The following SNTG2 variants were observed in gnomAD, a reference collection of about 807,000 sequenced individuals.
The protein encoded by SNTG2 is syntrophin gamma 2.
A neutral mutation model predicts 70.9 loss-of-function variants in SNTG2; 74 were observed. That is an observed-to-expected ratio of 1.04 (90% confidence interval 0.86 to 1.27). SNTG2 has a LOEUF of 1.27. SNTG2 is among the 50% of genes most tolerant of loss of function. The probability of loss-of-function intolerance (pLI) is 0.00; values close to 1 mark genes in which losing one functional copy is unlikely to be tolerated. For missense variants in SNTG2, 717 were observed against 690.7 expected (o/e 1.04, Z -0.43); for synonymous variants, 278 against 273.8 (o/e 1.02, Z -0.15).
intron 8 of SNTG2, among the ~76,000 whole-genome samples, chr2:1,197,959 C>A (rs1228017334): frequency 6.6e-6 from 1 of 152,022 alleles, no homozygotes; most frequent in East Asian, 1.9e-4. Context: ...AAAAGAAAAT[C>A]AACAGGGAAG....
chr2:1,265,399 C>T (rs1453197579), intron 13 of SNTG2, among the ~76,000 whole-genome samples: 3 of 150,562 alleles, frequency 2.0e-5, no homozygotes, highest in African/African-American at 5.0e-5. Flanking sequence ...TTCATGTGTG[C>T]ACACACATTC....
chr2:1,238,065 GA>G, intron 10 of SNTG2, 48 bp downstream of exon 10: 1 of 1,565,080 alleles, frequency 6.4e-7, no homozygotes, highest in Non-Finnish European at 8.7e-7. Context: ...ATTCGTGCAT[GA>G]AAAATAATGG....
At chr2:1,299,250 C>A (rs1680348427) in intron 14 of SNTG2, among the ~76,000 whole-genome samples, 1 of 152,224 alleles carries the variant, frequency 6.6e-6, no homozygotes, top group Non-Finnish European at 1.5e-5. Context: ...GCCCTGCGCA[C>A]ATTTCCCAGG....
chr2:1,141,923 A>G (rs1268835548), intron 6 of SNTG2, among the ~76,000 whole-genome samples: 1 of 151,262 alleles, frequency 6.6e-6, no homozygotes, highest in Non-Finnish European at 1.5e-5. Context: ...CTGGGGCTCC[A>G]AGGACGTGGC....
chr2:1,355,141 T>A (rs1432760620), intron 16 of SNTG2, among the ~76,000 whole-genome samples: 1 of 152,230 alleles, frequency 6.6e-6, no homozygotes, highest in Non-Finnish European at 1.5e-5. Flanking sequence ...ATTTATACCT[T>A]CCACTGTGTG....
intron 1 of SNTG2, among the ~76,000 whole-genome samples, chr2:1,072,866 T>C (rs139951651): frequency 1.3e-4 from 20 of 152,302 alleles, no homozygotes; most frequent in African/African-American, 4.1e-4. Context: ...CGGAAGATGG[T>C]GATTCCAGCC....
At chr2:1,099,363 C>T (rs1217253368) in intron 4 of SNTG2, among the ~76,000 whole-genome samples, 1 of 152,232 alleles carries the variant, frequency 6.6e-6, no homozygotes, top group Non-Finnish European at 1.5e-5. Context: ...CAGGGGACCC[C>T]TGGCTGTGTC....
At chr2:1,228,329 T>C (rs1422454287) in intron 9 of SNTG2, among the ~76,000 whole-genome samples, 1 of 152,252 alleles carries the variant, frequency 6.6e-6, no homozygotes, top group Non-Finnish European at 1.5e-5. Flanking sequence ...GCTCTGGCCC[T>C]GATCCATCTG....
chr2:1,306,714 T>C (rs1680691660), intron 14 of SNTG2, among the ~76,000 whole-genome samples: 1 of 96,244 alleles, frequency 1.0e-5, no homozygotes, highest in Non-Finnish European at 2.5e-5. Flanking sequence ...GTGTGTGCCA[T>C]GCACTGTCAG....
chr2:963,608 T>C (rs934686830), intron 1 of SNTG2, among the ~76,000 whole-genome samples: 2 of 140,708 alleles, frequency 1.4e-5, no homozygotes, highest in African/African-American at 5.4e-5. Context: ...GATAAAAGTA[T>C]ATTTAATATG....
chr2:1,084,460 C>T (rs771837807), intron 2 of SNTG2, among the ~76,000 whole-genome samples: 1 of 152,174 alleles, frequency 6.6e-6, no homozygotes, highest in Non-Finnish European at 1.5e-5. Context: ...GGCTGGCACC[C>T]GGTCCGCCCT....
intron 4 of SNTG2, among the ~76,000 whole-genome samples, chr2:1,115,802 A>G (rs78459354): frequency 0.021 from 3,188 of 152,324 alleles, 111 homozygotes; most frequent in African/African-American, 0.073. Flanking sequence ...TGAGGAGGAT[A>G]AGAAGAGTCT....
intron 1 of SNTG2, chr2:1,059,350 C>T (rs1662661087): frequency 8.4e-6 from 1 of 118,874 alleles, no homozygotes; most frequent in South Asian, 3.1e-4. Context: ...GAGTTTTCAG[C>T]TGCAAAAGGG....
chr2:1,259,541 G>A (rs558063612), intron 13 of SNTG2, 100 bp downstream of exon 13: 9 of 990,000 alleles, frequency 9.1e-6, no homozygotes, highest in Non-Finnish European at 1.3e-5. Context: ...CATTGAAATA[G>A]TAAAATTTGA....
chr2:1,146,935 G>A (rs1572561934), intron 6 of SNTG2, among the ~76,000 whole-genome samples: 1 of 152,278 alleles, frequency 6.6e-6, no homozygotes. Flanking sequence ...TCCTCCTTTT[G>A]TTAAAAGCAT....
At chr2:1,044,841 C>T (rs995450114) in intron 1 of SNTG2, among the ~76,000 whole-genome samples, 13 of 152,044 alleles carry the variant, frequency 8.6e-5, no homozygotes, top group Non-Finnish European at 1.8e-4. Flanking sequence ...GGATATTGGA[C>T]TGACGTTTTC....
intron 14 of SNTG2, among the ~76,000 whole-genome samples, chr2:1,272,761 AGAAAGGACACCCCAGGGAGCGGGTG>A (rs1679103856): frequency 6.7e-6 from 1 of 148,424 alleles, no homozygotes; most frequent in South Asian, 2.3e-4. Flanking sequence ...GAGCGGGTGC[AGAAAGGACACCCCAGGGAGCGGGTG>A]CAGAAAGGAC....
intron 4 of SNTG2, chr2:1,103,550 C>T (rs568112172): frequency 8.4e-5 from 14 of 166,262 alleles, no homozygotes; most frequent in Non-Finnish European, 1.7e-4. Flanking sequence ...CCACCACGCT[C>T]GGCTAATTTT....
intron 1 of SNTG2, among the ~76,000 whole-genome samples, chr2:1,037,690 T>C (rs1428052107): frequency 6.6e-6 from 1 of 152,200 alleles, no homozygotes; most frequent in Non-Finnish European, 1.5e-5. Context: ...ACACATAACA[T>C]AGGACGTCTG....
Sources: gnomAD v4.1 joint callset for allele counts (sites outside exome capture counted in the v4.1 genomes callset) on GRCh38, gnomAD v4.1.1 for gene constraint, MANE v1.5 for transcripts, NCBI Gene and HGNC (gene_info 2026-07-23, HGNC 2026-07-21) for gene names.